Variants in TSNARE1 observed in about 807,000 individuals in gnomAD.
The protein encoded by TSNARE1 is t-SNARE domain containing 1, also known as t-SNARE domain-containing protein 1.
Under a neutral mutation model 62.0 loss-of-function variants are expected in TSNARE1, and 49 were observed. That is an observed-to-expected ratio of 0.79 (90% CI 0.63 to 1.00). The LOEUF (loss-of-function observed/expected upper bound fraction) is 1.00. TSNARE1 is among the 50% of genes least tolerant of loss of function. The pLI, the probability that TSNARE1 is intolerant of heterozygous loss-of-function variation, is 0.00. For missense variants in TSNARE1, 755 were observed against 700.1 expected (o/e 1.08, Z -0.88); for synonymous variants, 328 against 294.4 (o/e 1.11, Z -1.17).
At chr8:142,346,743 C>A (rs1444300771) in intron 2 of TSNARE1, among the ~76,000 whole-genome samples, 2 of 152,234 alleles carry the variant, frequency 1.3e-5, no homozygotes, top group Non-Finnish European at 2.9e-5. Flanking sequence ...CAGGTCGGCA[C>A]AGTGGGTCCC....
chr8:142,320,591 C>T (rs1586786963), intron 6 of TSNARE1, among the ~76,000 whole-genome samples: 1 of 151,992 alleles, frequency 6.6e-6, no homozygotes, highest in African/African-American at 2.4e-5. Context: ...CCTGGGTTCA[C>T]TTCACTCCTG....
chr8:142,377,562 T>C (rs1836437147), intron 1 of TSNARE1, among the ~76,000 whole-genome samples: 1 of 152,190 alleles, frequency 6.6e-6, no homozygotes, highest in Non-Finnish European at 1.5e-5. Flanking sequence ...CCCAGCAGCA[T>C]GACAAATAAC....
In TSNARE1 at chr8:142,354,782, G is replaced by A. The variant is rs1484318436; in HGVS notation, c.-39-19C>T. 7.0e-7 allele frequency: 1 copy of A among 1,427,608 alleles called. No individual in the cohort carries two copies. Among genetic ancestry groups the A allele is most frequent in the South Asian group, 1.1e-5 (1 of 87,096 alleles). The allele number at this position is 1,427,608 out of a possible 1,614,324, so 88.4% of individuals were successfully genotyped here. On this transcript the variant is annotated intron_variant, in intron 1 of 13. Coordinates refer to ENST00000524325, the MANE Select transcript of TSNARE1 (RefSeq NM_145003.5). ...CACTGAGCTGGAGGAAACACGAAAA[G>A]CAGGGGGAAGAGGGGGAAGACATGG... is the stretch of plus-strand genomic sequence containing the variant.
rs185219207 is a variant in TSNARE1, at chr8:142,329,892, C to T, written c.893+1009G>A. Reference sequence around the variant, plus strand: ...CCCTGAACATCTGCAAAGGGTGCTCCGCAGCTGGTGCGTGAGGCTGTGTGG... The same window carrying T: ...CCCTGAACATCTGCAAAGGGTGCTCTGCAGCTGGTGCGTGAGGCTGTGTGG... On this transcript the variant is annotated intron_variant, in intron 6 of 13. Coordinates refer to ENST00000524325, the MANE Select transcript of TSNARE1 (RefSeq NM_145003.5). 9.8e-5 allele frequency among the ~76,000 whole-genome samples: 15 copies of T among 152,334 alleles called. No individual in the cohort carries two copies. The East Asian group carries it at 2.1e-3, about 22-fold the overall frequency.
chr8:142,274,307 G>A, intron 12 of TSNARE1: 3 of 985,458 alleles, frequency 3.0e-6, no homozygotes, highest in Non-Finnish European at 2.4e-6. Context: ...GGCCCAGTGA[G>A]TGGCTAGTCC....
chr8:142,382,463 G>C (rs984054065), intron 1 of TSNARE1, among the ~76,000 whole-genome samples: 1 of 152,186 alleles, frequency 6.6e-6, no homozygotes, highest in Admixed American at 6.5e-5. Flanking sequence ...TTCTGCTCGG[G>C]ATGGCAGCAA....
chr8:142,367,123 G>T (rs1269682616), intron 1 of TSNARE1, among the ~76,000 whole-genome samples: 1 of 152,192 alleles, frequency 6.6e-6, no homozygotes, highest in Non-Finnish European at 1.5e-5. Flanking sequence ...AACTAGAAGT[G>T]ATCAAACAGA....
rs1288623917 is a variant in TSNARE1, at chr8:142,255,553, A to G, written c.1446+19228T>C. The stretch of plus-strand genomic sequence containing the variant: ...CACCACCATCACCATCACCACCACC[A>G]TCACCATCACCACCATCACCATCAC... On this transcript the variant is annotated intron_variant, in intron 12 of 13. Coordinates refer to ENST00000524325, the MANE Select transcript of TSNARE1 (RefSeq NM_145003.5). Among the ~76,000 whole-genome samples the G allele has an allele frequency of 1.1e-4, 4 of 37,054 alleles. 1 individual carries two copies. The East Asian group carries it at 2.1e-3, about 19-fold the overall frequency. The allele number at this position is 37,054 out of a possible 152,430, so 24.3% of individuals were successfully genotyped here.
chr8:142,386,381 G>A (rs1418617606), intron 1 of TSNARE1, among the ~76,000 whole-genome samples: 1 of 151,992 alleles, frequency 6.6e-6, no homozygotes, highest in Non-Finnish European at 1.5e-5. Context: ...CAAAAGTATA[G>A]ACTCTCTTCA....
chr8:142,225,802 C>T (rs1255222873), intron 13 of TSNARE1, among the ~76,000 whole-genome samples: 1 of 152,236 alleles, frequency 6.6e-6, no homozygotes, highest in African/African-American at 2.4e-5. Context: ...CAACCAAGTA[C>T]CGTATGCGGG....
chr8:142,354,164 C>T (rs968924836), intron 2 of TSNARE1, among the ~76,000 whole-genome samples: 1 of 152,106 alleles, frequency 6.6e-6, no homozygotes, highest in East Asian at 1.9e-4. Context: ...AGCGGCTCGA[C>T]GCTCTGAAAC....
At chr8:142,328,975 C>T (rs926221803) in intron 6 of TSNARE1, among the ~76,000 whole-genome samples, 1 of 152,202 alleles carries the variant, frequency 6.6e-6, no homozygotes, top group Non-Finnish European at 1.5e-5. Context: ...TGGGTCCCTC[C>T]TACACTGCAG....
At chr8:142,230,645 A>C (rs531856187) in intron 12 of TSNARE1, among the ~76,000 whole-genome samples, 2 of 152,302 alleles carry the variant, frequency 1.3e-5, no homozygotes, top group African/African-American at 4.8e-5. Flanking sequence ...TGGAATCCTC[A>C]GAACCTAGGA....
At chr8:142,271,008 T>C (rs1819478757) in intron 12 of TSNARE1, 3 of 985,516 alleles carry the variant, frequency 3.0e-6, no homozygotes, top group African/African-American at 3.5e-5. Context: ...CTGCCACCTC[T>C]CCCCTGCCTG....
chr8:142,354,535 G>C, intron 2 of TSNARE1, 102 bp downstream of exon 2: 1 of 806,418 alleles, frequency 1.2e-6, no homozygotes, highest in Non-Finnish European at 2.0e-6. Flanking sequence ...TTCCTCAAAA[G>C]AACAGAACTG....
intron 12 of TSNARE1, among the ~76,000 whole-genome samples, chr8:142,244,669 C>A (rs192056485): frequency 1.3e-5 from 2 of 152,286 alleles, no homozygotes; most frequent in East Asian, 3.9e-4. Context: ...ACTCCTAGAA[C>A]GAATCCGGGA....
intron 11 of TSNARE1, chr8:142,277,230 T>A (rs1820648047): frequency 3.0e-6 from 3 of 985,212 alleles, no homozygotes; most frequent in Non-Finnish European, 3.6e-6. Flanking sequence ...ATCCCCTGAC[T>A]CCAGGAGTCC....
chr8:142,368,145 T>C (rs79063130), intron 1 of TSNARE1, among the ~76,000 whole-genome samples: 8 of 146,716 alleles, frequency 5.5e-5, no homozygotes, highest in African/African-American at 1.8e-4. Context: ...AAAAAAAAAG[T>C]ACCCTAAGCA....
At chr8:142,314,484 A>C (rs764879670) in intron 8 of TSNARE1, 44 bp from the exon 9 acceptor site, 1 of 1,560,668 alleles carries the variant, frequency 6.4e-7, no homozygotes, top group Non-Finnish European at 8.8e-7. Flanking sequence ...AAGAGCAAAA[A>C]GGGTGGGGAA....
Sources: gnomAD v4.1 joint callset for allele counts (sites outside exome capture counted in the v4.1 genomes callset) on GRCh38, gnomAD v4.1.1 for gene constraint, MANE v1.5 for transcripts, NCBI Gene and HGNC (gene_info 2026-07-23, HGNC 2026-07-21) for gene names.